Variants in EIF3A observed in about 807,000 individuals in gnomAD.
EIF3A encodes EIF3, p180 subunit.
EIF3A carries 21 observed loss-of-function variants against 186.6 expected under a neutral mutation model. The ratio of observed to expected loss-of-function variants is 0.11; its 90% CI spans 0.08 to 0.16. EIF3A has a LOEUF of 0.16. Among genes scored for constraint, EIF3A ranks in the 10% least tolerant of loss-of-function variants. The pLI is 1.00. For missense variants in EIF3A, 1,306 were observed against 1,796.3 expected, an observed-to-expected ratio of 0.73 and a Z score of 4.93; for synonymous variants, 563 against 584.3, an observed-to-expected ratio of 0.96 and a Z score of 0.52.
chr10:119,064,116 A>G (rs572717238), intron 7 of EIF3A, among the ~76,000 whole-genome samples: 3 of 152,306 alleles, frequency 2.0e-5, no homozygotes, highest in African/African-American at 7.2e-5. Flanking sequence ...TCCACACTCT[A>G]AAACTTTTGT....
chr10:119,037,394 T>TA (rs1366124691), intron 20 of EIF3A, 85 bp from the exon 21 acceptor site: 3 of 1,217,896 alleles, frequency 2.5e-6, no homozygotes, highest in East Asian at 2.4e-5. Context: ...AGCTGGGGCT[T>TA]AGAGTTTACA....
In EIF3A at chr10:119,060,888, A is replaced by G. The variant is rs143566022; in HGVS notation, c.1228-44T>C. The stretch of plus-strand genomic sequence containing the variant: ...TGAAAGAGAATCACACTTTCTACAT[A>G]AGAGATACTAAAACATCTAAAACTC... On this transcript the variant is annotated intron_variant, in intron 8 of 21. Transcript: ENST00000369144. The G allele has an allele frequency of 6.0e-4, 787 of 1,317,854 alleles. 4 individuals are homozygous for G. In the African/African-American group the frequency reaches 9.7e-3, roughly 16 times the overall value. 81.6% of individuals were successfully genotyped at this position (1,317,854 alleles called of 1,614,324 possible).
At chr10:119,077,415 C>T (rs1844195179) in intron 1 of EIF3A, among the ~76,000 whole-genome samples, 1 of 152,134 alleles carries the variant, frequency 6.6e-6, no homozygotes, top group Non-Finnish European at 1.5e-5. Context: ...AGTGCCACTG[C>T]ACTCCAGCCT....
chr10:119,051,907 C>T (rs1589688766), intron 14 of EIF3A, among the ~76,000 whole-genome samples: 1 of 152,176 alleles, frequency 6.6e-6, no homozygotes, highest in Non-Finnish European at 1.5e-5. Flanking sequence ...CTAAAAAATG[C>T]TAATGATCAC....
At position 119,036,213 on chromosome 10, in the gene EIF3A, G is replaced by A; in HGVS notation, c.3975C>T (p.Asp1325=). The stretch of plus-strand genomic sequence containing the variant: ...CTGGGGGAGGAACTCGACGAGGAGG[G>A]TCCCGCTCTTCCACCCGGTCATCTT... ...DRKDDRVEER[D]PPRRVPPPAL... The change falls in exon 22 of 22, where the codon GAC becomes GAT. Residue 1325 remains aspartate (D), a synonymous_variant. Coordinates refer to ENST00000369144, the MANE Select transcript of EIF3A (RefSeq NM_003750.4). The A allele has an allele frequency of 1.2e-6, 2 of 1,613,198 alleles. No homozygotes were observed. The highest frequency in any genetic ancestry group is 1.7e-6 in the Non-Finnish European group (2 of 1,179,878).
At chr10:119,051,455 T>A in intron 14 of EIF3A, 134 bp from the exon 15 acceptor site, 1 of 865,704 alleles carries the variant, frequency 1.2e-6, no homozygotes, top group Non-Finnish European at 1.7e-6. Context: ...AATGAAAACG[T>A]TAACTACATC....
At chr10:119,037,488 G>A (rs1848149160) in intron 20 of EIF3A, among the ~76,000 whole-genome samples, 179 bp from the exon 21 acceptor site, 1 of 152,134 alleles carries the variant, frequency 6.6e-6, no homozygotes, top group African/African-American at 2.4e-5. Context: ...CCAGATCTGT[G>A]CCGTCCCACT....
intron 4 of EIF3A, among the ~76,000 whole-genome samples, chr10:119,071,484 A>G (rs1421981801): frequency 6.6e-6 from 1 of 152,234 alleles, no homozygotes; most frequent in Non-Finnish European, 1.5e-5. Flanking sequence ...TTAAAACTAC[A>G]TAATACAAAT....
At chr10:119,058,436 A>T (rs754614529) in intron 11 of EIF3A, 133 bp from the exon 12 acceptor site, 50 of 675,722 alleles carry the variant, frequency 7.4e-5, no homozygotes, top group South Asian at 9.9e-5. Context: ...AGATGACACT[A>T]TCCAAGCTGT....
chr10:119,048,705 T>C (rs976222224), intron 17 of EIF3A, among the ~76,000 whole-genome samples: 17 of 151,604 alleles, frequency 1.1e-4, no homozygotes, highest in Non-Finnish European at 1.9e-4. Flanking sequence ...AGAGTCTTGC[T>C]CTGTCACCCA....
intron 1 of EIF3A, among the ~76,000 whole-genome samples, chr10:119,079,993 C>CA (rs1844236506): frequency 1.3e-5 from 2 of 152,170 alleles, no homozygotes; most frequent in South Asian, 4.1e-4. Flanking sequence ...AATGAAAAAA[C>CA]AAAAACAAAA....
chr10:119,060,684 A>G (rs866743978), intron 9 of EIF3A, 62 bp downstream of exon 9: 4 of 1,312,552 alleles, frequency 3.0e-6, no homozygotes, highest in Non-Finnish European at 4.2e-6. Context: ...AGATTTTTCC[A>G]GTTTTTAGTT....
chr10:119,074,984 CTTT>C (rs113459869), intron 1 of EIF3A, among the ~76,000 whole-genome samples: 2 of 105,228 alleles, frequency 1.9e-5, no homozygotes, highest in African/African-American at 3.6e-5. Context: ...TATTTTTTTT[CTTT>C]TTTTTTTTTT....
rs760317450 is a variant in EIF3A, at chr10:119,056,864, C to T, written c.2083-11G>A. On this transcript the variant is annotated splice_polypyrimidine_tract_variant and intron_variant, in intron 13 of 21. Coordinates refer to ENST00000369144, the MANE Select transcript of EIF3A (RefSeq NM_003750.4). ...TTCAAAATAGTCAATCTGAATGACA[C>T]GAAAACACACGTAGTTTTAAAAAAT... 8 of 1,600,084 alleles carry T rather than the reference C, an allele frequency of 5.0e-6. No homozygotes were observed. In the African/African-American group the frequency reaches 6.7e-5, roughly 13 times the overall value.
chr10:119,078,824 C>T (rs769527217), intron 1 of EIF3A, among the ~76,000 whole-genome samples: 25 of 152,118 alleles, frequency 1.6e-4, no homozygotes, highest in Non-Finnish European at 3.2e-4. Context: ...ATGCACATTA[C>T]ATATCTTTTC....
At chr10:119,048,773 G>A (rs1157478382) in intron 17 of EIF3A, among the ~76,000 whole-genome samples, 4 of 151,890 alleles carry the variant, frequency 2.6e-5, no homozygotes, top group Non-Finnish European at 4.4e-5. Context: ...CTGGGTTCAA[G>A]CAATTCTCCT....
At chr10:119,048,140 C>T (rs1182738171) in intron 17 of EIF3A, among the ~76,000 whole-genome samples, 1 of 138,624 alleles carries the variant, frequency 7.2e-6, no homozygotes, top group African/African-American at 3.1e-5. Context: ...AAACCTTTGG[C>T]TCTCAGTAAT....
Position 119,037,325 on chromosome 10 carries a change from A to G in EIF3A, c.3729-16T>C. 6.2e-7 allele frequency: 1 copy of G among 1,612,224 alleles called. No homozygotes were observed. The highest frequency in any genetic ancestry group is 8.5e-7 in the Non-Finnish European group (1 of 1,178,400). On this transcript the variant is annotated splice_polypyrimidine_tract_variant and intron_variant, in intron 20 of 21. Coordinates refer to ENST00000369144, the MANE Select transcript of EIF3A (RefSeq NM_003750.4). ...ACCTTCATCCCTGTAGCCATTTACA[A>G]TGACAGGTCAGGTTCTTACTGTTAG...
chr10:119,036,091 C>G lies in EIF3A; in HGVS notation c.4097G>C (p.Arg1366Pro), dbSNP rs143903271. 2.5e-6 allele frequency: 4 copies of G among 1,613,922 alleles called. No individual in the cohort carries two copies. The African/African-American group carries it at 5.3e-5, about 22-fold the overall frequency. The stretch of plus-strand genomic sequence containing the variant: ...TTCATCAGTCTCATTTTTAGTACGA[C>G]GGAGAGATTCCCTATCTTTCTCAGC... ...WRAEKDRESL[R>P]RTKNETDEDG... The change falls in exon 22 of 22, where the codon CGT becomes CCT. Residue 1366 changes from arginine (R) to proline (P), a missense_variant. Coordinates refer to ENST00000369144, the MANE Select transcript of EIF3A (RefSeq NM_003750.4).
Sources: allele counts gnomAD v4.1 joint callset (sites outside exome capture counted in the v4.1 genomes callset), GRCh38; gene constraint gnomAD v4.1.1; transcripts MANE v1.5; gene names NCBI Gene and HGNC (gene_info 2026-07-23, HGNC 2026-07-21).